The following EIF2S3B variants were observed in gnomAD, a reference collection of about 807,000 sequenced individuals.
The protein encoded by EIF2S3B is eukaryotic translation initiation factor 2 subunit 3B.
EIF2S3B carries 16 observed loss-of-function variants against 26.4 expected under a neutral mutation model. The ratio of observed to expected loss-of-function variants is 0.61; its 90% confidence interval spans 0.41 to 0.92. EIF2S3B has a LOEUF of 0.92. Among genes scored for constraint, EIF2S3B ranks in the 40% least tolerant of loss-of-function variants. EIF2S3B has a pLI of 0.00. For missense variants in EIF2S3B, 510 were observed against 575.5 expected (o/e 0.89, Z 1.16); for synonymous variants, 183 against 204.4 (o/e 0.90, Z 0.89).
In EIF2S3B at chr12:10,506,415, T is replaced by G. The variant is rs763464689; in HGVS notation, c.513T>G (p.Ser171=). The change falls in exon 1 of 1, where the codon TCT becomes TCG. Residue 171 remains serine, a synonymous_variant. Transcript: ENST00000538173. The part of the protein sequence containing the change: ...GNESCPQPQT[S]EHLAAIEIMK... ...AATCTTGCCCTCAGCCTCAGACATC[T>G]GAACACCTGGCTGCTATAGAGATCA... 96 of 1,613,758 alleles carry G rather than the reference T, an allele frequency of 5.9e-5. No homozygotes were observed. In the Admixed American group the frequency reaches 7.5e-4, roughly 13 times the overall value.
downstream of EIF2S3B, among the ~76,000 whole-genome samples, chr12:10,509,432 T>C: frequency 6.6e-6 from 1 of 152,096 alleles, no homozygotes; most frequent in East Asian, 1.9e-4. Context: ...CCATCACAAA[T>C]TTTTAAAATA....
chr12:10,518,497 T>C (rs1320436965), intron 1 of EIF2S3B, among the ~76,000 whole-genome samples: 1 of 152,152 alleles, frequency 6.6e-6, no homozygotes, highest in Non-Finnish European at 1.5e-5. Context: ...TGTGTGTCTC[T>C]GCACGTGAGA....
chr12:10,518,489 T>C (rs1864790144), intron 1 of EIF2S3B, among the ~76,000 whole-genome samples: 2 of 152,160 alleles, frequency 1.3e-5, no homozygotes, highest in African/African-American at 2.4e-5. Context: ...TGAGCCTATG[T>C]GTGTCTCTGC....
intron 1 of EIF2S3B, among the ~76,000 whole-genome samples, chr12:10,518,694 A>G (rs1221423320): frequency 6.6e-6 from 1 of 152,000 alleles, no homozygotes; most frequent in Non-Finnish European, 1.5e-5. Flanking sequence ...CAAAAATCAC[A>G]AGCATTCTTA....
downstream of EIF2S3B, among the ~76,000 whole-genome samples, chr12:10,511,785 A>T (rs903155337): frequency 6.6e-6 from 1 of 152,202 alleles, no homozygotes; most frequent in Non-Finnish European, 1.5e-5. Context: ...TTATACAGCT[A>T]CTTCTAATGT....
chr12:10,517,072 C>A (rs1254586390), intron 1 of EIF2S3B, among the ~76,000 whole-genome samples: 2 of 151,664 alleles, frequency 1.3e-5, no homozygotes, highest in Non-Finnish European at 2.9e-5. Flanking sequence ...CTAAAATTCT[C>A]TTTTTTGGTT....
At chr12:10,509,586 A>G (rs1864685663), downstream of EIF2S3B, among the ~76,000 whole-genome samples, 1 of 152,052 alleles carries the variant, frequency 6.6e-6, no homozygotes, top group Admixed American at 6.5e-5. Flanking sequence ...AATGTATACT[A>G]TGCCTCTATA....
intron 1 of EIF2S3B, among the ~76,000 whole-genome samples, chr12:10,521,172 G>A (rs1320395964): frequency 6.6e-6 from 1 of 152,080 alleles, no homozygotes; most frequent in Non-Finnish European, 1.5e-5. Flanking sequence ...CCTTTAGCAA[G>A]GATACACGTT....
In EIF2S3B at chr12:10,507,014, T is replaced by C; in HGVS notation, c.1112T>C (p.Leu371Ser). 6.2e-7 allele frequency: 1 copy of C among 1,613,786 alleles called. No homozygotes were observed. The highest frequency in any genetic ancestry group is 8.5e-7 in the Non-Finnish European group (1 of 1,179,680). Residue 371 changes from leucine (L) to serine (S), a missense_variant, in exon 1 of 1, where the codon TTG becomes TCG. By Grantham distance (145) the Leu-to-Ser change is moderately radical. Coordinates refer to ENST00000538173, the MANE Select transcript of EIF2S3B (RefSeq NM_001357734.3). The stretch of plus-strand genomic sequence containing the variant: ...GCTTTACCTGAGATATTCACAGAAT[T>C]GGAAATTTCCTATTTCCTGCTTAGA... ...VGALPEIFTE[L>S]EISYFLLRRL...
intron 1 of EIF2S3B, among the ~76,000 whole-genome samples, chr12:10,518,607 G>T (rs1864793089): frequency 6.6e-6 from 1 of 151,996 alleles, no homozygotes; most frequent in Non-Finnish European, 1.5e-5. Flanking sequence ...TACATTTAAA[G>T]TTAATATTTC....
At chr12:10,511,034 C>A (rs1305424268), downstream of EIF2S3B, among the ~76,000 whole-genome samples, 5 of 151,670 alleles carry the variant, frequency 3.3e-5, no homozygotes. Flanking sequence ...TGAGAAAAAG[C>A]AAAATTAAAA....
chr12:10,523,085 A>G (rs959208440), exon 2 of EIF2S3B: 13 of 152,336 alleles, frequency 8.5e-5, no homozygotes, highest in African/African-American at 3.1e-4. Flanking sequence ...TCCTAATTTA[A>G]TTATATGAAA....
rs1313149411 is a variant in EIF2S3B at position 10,507,692 on chromosome 12, A to G, written c.*371A>G. On this transcript the variant is annotated 3_prime_UTR_variant, in exon 1 of 1. Coordinates refer to ENST00000538173, the MANE Select transcript of EIF2S3B (RefSeq NM_001357734.3). ...TCTGCAATCTCTGCCTCCCAGGTTC[A>G]AGCGATTCTCCTGCCTCAGCCCCCC... is the stretch of plus-strand genomic sequence containing the variant. Among the ~76,000 whole-genome samples, 2 of 152,148 alleles carry G rather than the reference A, an allele frequency of 1.3e-5. No homozygotes were observed. Among genetic ancestry groups the G allele is most frequent in the Non-Finnish European group, 2.9e-5 (2 of 68,022 alleles).
intron 1 of EIF2S3B, among the ~76,000 whole-genome samples, chr12:10,520,584 T>C (rs1864820748): frequency 6.6e-6 from 1 of 152,096 alleles, no homozygotes. Context: ...GATTTCATTT[T>C]TTTCTTACTT....
chr12:10,512,530 C>T (rs553326736), downstream of EIF2S3B, among the ~76,000 whole-genome samples: 4 of 152,252 alleles, frequency 2.6e-5, no homozygotes, highest in East Asian at 7.7e-4. Context: ...CTGTCCTTTT[C>T]AGAAAATGCC....
chr12:10,520,910 G>C (rs772118407), intron 1 of EIF2S3B, among the ~76,000 whole-genome samples: 2 of 152,146 alleles, frequency 1.3e-5, no homozygotes, highest in Non-Finnish European at 2.9e-5. Flanking sequence ...ATATGATTTT[G>C]TAGACTTCTC....
chr12:10,518,702 T>C (rs1276672309), intron 1 of EIF2S3B, among the ~76,000 whole-genome samples: 9 of 151,954 alleles, frequency 5.9e-5, no homozygotes, highest in Non-Finnish European at 1.2e-4. Flanking sequence ...ACAAGCATTC[T>C]TATACACCAA....
chr12:10,513,254 T>C (rs535739672), downstream of EIF2S3B, among the ~76,000 whole-genome samples: 2 of 152,350 alleles, frequency 1.3e-5, no homozygotes, highest in East Asian at 1.9e-4. Context: ...TCACCTCATA[T>C]TGTCATGCTC....
At chr12:10,517,777 T>G (rs1407162909) in intron 1 of EIF2S3B, among the ~76,000 whole-genome samples, 3 of 152,240 alleles carry the variant, frequency 2.0e-5, no homozygotes, top group Admixed American at 1.3e-4. Flanking sequence ...TACACACTGC[T>G]TTGAATGTGT....
Sources: allele counts gnomAD v4.1 joint callset (sites outside exome capture counted in the v4.1 genomes callset), GRCh38; gene constraint gnomAD v4.1.1; transcripts MANE v1.5; gene names NCBI Gene and HGNC (gene_info 2026-07-23, HGNC 2026-07-21).